The following SLCO1A2 variants were observed in gnomAD, a reference collection of about 807,000 sequenced individuals.
The protein encoded by SLCO1A2 is solute carrier organic anion transporter family member 1A2, also known as OATP-1.
Under a neutral mutation model 69.0 loss-of-function variants are expected in SLCO1A2, and 67 were observed. The ratio of observed to expected loss-of-function variants is 0.97; its 90% CI spans 0.80 to 1.19. SLCO1A2 has a LOEUF of 1.19. Ranked by LOEUF, SLCO1A2 falls within the 50% of genes most tolerant of loss-of-function variation. The probability of loss-of-function intolerance (pLI) is 0.00; values close to 1 mark genes in which losing one functional copy is unlikely to be tolerated. For missense variants in SLCO1A2, 787 were observed against 793.7 expected, an observed-to-expected ratio of 0.99 and a Z score of 0.10; for synonymous variants, 260 against 265.9, an observed-to-expected ratio of 0.98 and a Z score of 0.22.
chr12:21,325,040 G>A (rs1952105633), intron 2 of SLCO1A2, among the ~76,000 whole-genome samples: 1 of 152,256 alleles, frequency 6.6e-6, no homozygotes, highest in South Asian at 2.1e-4. Context: ...AAATTCTCTA[G>A]TCTAGTATTT....
intron 2 of SLCO1A2, among the ~76,000 whole-genome samples, chr12:21,360,691 T>C (rs1938778171): frequency 6.6e-6 from 1 of 152,230 alleles, no homozygotes; most frequent in South Asian, 2.1e-4. Context: ...CCCACCCTAA[T>C]ACTGCTCTTT....
intron 2 of SLCO1A2, among the ~76,000 whole-genome samples, chr12:21,320,099 C>G (rs553984203): frequency 6.6e-6 from 1 of 152,126 alleles, no homozygotes; most frequent in Non-Finnish European, 1.5e-5. Flanking sequence ...ACACTTGCAA[C>G]CTGGGAGACC....
At position 21,294,034 on chromosome 12, in the gene SLCO1A2, A is replaced by G; in HGVS notation, c.1348T>C (p.Trp450Arg). Residue 450 changes from tryptophan (W) to arginine (R), a missense_variant, in exon 11 of 15, where the codon TGG becomes CGG. Coordinates refer to ENST00000683939, the MANE Select transcript of SLCO1A2 (RefSeq NM_001386879.1). ...NVDCNCPSKI[W>R]DPVCGNNGLS... is the part of the protein sequence containing the mutation. ...CCATTGTTTCCACACACAGGATCCC[A>G]TATTTTAGATGGACAGTTGCAATCC... is the stretch of plus-strand genomic sequence containing the variant. The G allele has an allele frequency of 1.9e-6, 3 of 1,612,402 alleles. No individual in the cohort carries two copies. The highest frequency in any genetic ancestry group is 2.2e-5 in the East Asian group (1 of 44,688).
chr12:21,331,134 A>G (rs1396488078), intron 2 of SLCO1A2, among the ~76,000 whole-genome samples: 3 of 152,128 alleles, frequency 2.0e-5, no homozygotes, highest in African/African-American at 7.2e-5. Context: ...TTACCTTTGA[A>G]TAAGAACACT....
chr12:21,336,160 C>G (rs1267809239), upstream of SLCO1A2, among the ~76,000 whole-genome samples: 1 of 151,978 alleles, frequency 6.6e-6, no homozygotes, highest in East Asian at 1.9e-4. Context: ...TCTCTCTCTC[C>G]TAACCATTAT....
At chr12:21,282,581 C>T (rs1944998206) in intron 12 of SLCO1A2, among the ~76,000 whole-genome samples, 1 of 152,046 alleles carries the variant, frequency 6.6e-6, no homozygotes, top group South Asian at 2.1e-4. Context: ...TGCTAGAAGT[C>T]TGAGCTAGAG....
chr12:21,281,944 C>A (rs1356972213), intron 12 of SLCO1A2, among the ~76,000 whole-genome samples: 1 of 151,954 alleles, frequency 6.6e-6, no homozygotes, highest in African/African-American at 2.4e-5. Context: ...GTAATAAAGT[C>A]TCCAGCAAAG....
intron 2 of SLCO1A2, among the ~76,000 whole-genome samples, chr12:21,352,677 G>A (rs1938055236): frequency 6.6e-6 from 1 of 152,228 alleles, no homozygotes; most frequent in Non-Finnish European, 1.5e-5. Context: ...ATACACAAGT[G>A]TTGGCTCTTC....
At chr12:21,364,366 C>G (rs1285939151) in intron 2 of SLCO1A2, among the ~76,000 whole-genome samples, 3 of 152,150 alleles carry the variant, frequency 2.0e-5, no homozygotes, top group African/African-American at 4.8e-5. Context: ...GCTGAAAACT[C>G]TCAATAAACT....
At chr12:21,301,085 C>A in intron 7 of SLCO1A2, 86 bp downstream of exon 7, 6 of 690,108 alleles carry the variant, frequency 8.7e-6, no homozygotes, top group Non-Finnish European at 1.3e-5. Flanking sequence ...AATTGAAGGT[C>A]AAGTAAGGCC....
At chr12:21,348,954 C>T (rs1937714227) in intron 2 of SLCO1A2, among the ~76,000 whole-genome samples, 2 of 152,124 alleles carry the variant, frequency 1.3e-5, no homozygotes, top group Non-Finnish European at 2.9e-5. Context: ...GTTCACCAGT[C>T]ACAACAAATG....
chr12:21,307,163 C>T (rs567880430), intron 4 of SLCO1A2, among the ~76,000 whole-genome samples, 175 bp from the exon 5 acceptor site: 1 of 152,122 alleles, frequency 6.6e-6, no homozygotes, highest in Non-Finnish European at 1.5e-5. Flanking sequence ...AAAAACTTGC[C>T]ACTTTCTGTA....
At chr12:21,343,690 C>T (rs1953151805) in intron 2 of SLCO1A2, among the ~76,000 whole-genome samples, 2 of 152,036 alleles carry the variant, frequency 1.3e-5, no homozygotes, top group South Asian at 4.1e-4. Flanking sequence ...AACCAAAGAA[C>T]ATTCTGATTA....
chr12:21,411,302 A>G (rs7484343), intron 1 of SLCO1A2, among the ~76,000 whole-genome samples: 2 of 152,190 alleles, frequency 1.3e-5, no homozygotes, highest in African/African-American at 4.8e-5. Context: ...TATTTTTTGT[A>G]TATGATATGA....
At chr12:21,279,200 C>G (rs1190145345) in intron 12 of SLCO1A2, among the ~76,000 whole-genome samples, 1 of 151,862 alleles carries the variant, frequency 6.6e-6, no homozygotes, top group Non-Finnish European at 1.5e-5. Flanking sequence ...TGAAGTGCAC[C>G]TACACGATCT....
chr12:21,396,480 T>C (rs1056539119), upstream of SLCO1A2, among the ~76,000 whole-genome samples: 19 of 149,168 alleles, frequency 1.3e-4, 1 homozygote, highest in Admixed American at 1.1e-3. Context: ...TTCCCCAGTC[T>C]AGCAAGGCAG....
chr12:21,310,125 G>A (rs1464385210), intron 4 of SLCO1A2, among the ~76,000 whole-genome samples: 1 of 152,224 alleles, frequency 6.6e-6, no homozygotes, highest in African/African-American at 2.4e-5. Context: ...AATGTAAATA[G>A]TAAAAATGAT....
chr12:21,299,694 T>G (rs1202454333), intron 8 of SLCO1A2, among the ~76,000 whole-genome samples: 1 of 150,004 alleles, frequency 6.7e-6, no homozygotes, highest in East Asian at 1.9e-4. Context: ...AATTTGCTTG[T>G]TCATTTTGTT....
chr12:21,319,384 C>T, intron 2 of SLCO1A2: 2 of 1,367,984 alleles, frequency 1.5e-6, no homozygotes, highest in Non-Finnish European at 2.0e-6. Flanking sequence ...TGGCCGACTC[C>T]ACTCTTTCCT....
Sources: allele counts gnomAD v4.1 joint callset (sites outside exome capture counted in the v4.1 genomes callset), GRCh38; gene constraint gnomAD v4.1.1; transcripts MANE v1.5; gene names NCBI Gene and HGNC (gene_info 2026-07-23, HGNC 2026-07-21).